Variants in RFC3 observed in about 807,000 individuals in gnomAD.
The protein encoded by RFC3 is A1 38 kDa subunit.
Under a neutral mutation model 45.1 loss-of-function variants are expected in RFC3, and 41 were observed. The ratio of observed to expected loss-of-function variants is 0.91; its 90% CI spans 0.71 to 1.18. The LOEUF is 1.18. Among genes scored for constraint, RFC3 ranks in the 50% most tolerant of loss-of-function variants. The pLI is 0.00. For synonymous variants in RFC3, 149 were observed against 144.0 expected (o/e 1.03, Z -0.25); for missense variants, 423 against 428.1 (o/e 0.99, Z 0.10).
At chr13:33,962,080 G>A (rs2083060718) in intron 8 of RFC3, among the ~76,000 whole-genome samples, 1 of 152,146 alleles carries the variant, frequency 6.6e-6, no homozygotes, top group African/African-American at 2.4e-5. Flanking sequence ...CAAAGTGATG[G>A]TGTGGCCAGT....
At chr13:33,869,926 A>G (rs2082396792) in intron 8 of RFC3, among the ~76,000 whole-genome samples, 1 of 152,180 alleles carries the variant, frequency 6.6e-6, no homozygotes, top group African/African-American at 2.4e-5. Flanking sequence ...AAAAAACCTG[A>G]TGCTGTACAA....
intron 1 of RFC3, among the ~76,000 whole-genome samples, chr13:33,819,921 A>G (rs1438877029): frequency 6.6e-6 from 1 of 152,242 alleles, no homozygotes; most frequent in Non-Finnish European, 1.5e-5. Flanking sequence ...TCTGTGGGAC[A>G]CTTGCCATTT....
At chr13:33,839,582 G>A (rs1156421926), downstream of RFC3, among the ~76,000 whole-genome samples, 1 of 152,194 alleles carries the variant, frequency 6.6e-6, no homozygotes. Context: ...AAGCTTCAGT[G>A]TACTGAATTG....
chr13:33,829,282 A>G (rs2082079507), intron 4 of RFC3, among the ~76,000 whole-genome samples: 1 of 152,202 alleles, frequency 6.6e-6, no homozygotes, highest in Non-Finnish European at 1.5e-5. Context: ...CTTGTTGCCT[A>G]CATCTCTTGC....
At chr13:33,942,869 G>T (rs1196534517) in intron 8 of RFC3, among the ~76,000 whole-genome samples, 1 of 152,088 alleles carries the variant, frequency 6.6e-6, no homozygotes, top group African/African-American at 2.4e-5. Flanking sequence ...GAAGTCTGGT[G>T]CCCACCTTTA....
intron 7 of RFC3, among the ~76,000 whole-genome samples, chr13:33,832,027 T>G (rs765383718): frequency 8.5e-5 from 13 of 152,236 alleles, no homozygotes; most frequent in Non-Finnish European, 1.9e-4. Flanking sequence ...TGCTCAAAAT[T>G]GCTTCCGTTA....
At chr13:33,873,699 T>C (rs2082427600) in intron 8 of RFC3, among the ~76,000 whole-genome samples, 2 of 152,202 alleles carry the variant, frequency 1.3e-5, no homozygotes, top group South Asian at 4.1e-4. Context: ...TCACCCTCTT[T>C]TGCTCCATCT....
At chr13:33,859,781 G>T (rs1315771833) in intron 8 of RFC3, among the ~76,000 whole-genome samples, 2 of 152,088 alleles carry the variant, frequency 1.3e-5, no homozygotes, top group African/African-American at 4.8e-5. Context: ...GGCATGCCAT[G>T]GACTGAATTT....
intron 8 of RFC3, among the ~76,000 whole-genome samples, chr13:33,889,676 CT>C (rs1419986933): frequency 1.3e-5 from 2 of 152,178 alleles, no homozygotes; most frequent in Non-Finnish European, 2.9e-5. Flanking sequence ...CTGACTATAA[CT>C]TTGCAACCAT....
chr13:33,929,550 A>G (rs115259917), intron 8 of RFC3, among the ~76,000 whole-genome samples: 26 of 152,222 alleles, frequency 1.7e-4, no homozygotes, highest in African/African-American at 6.3e-4. Context: ...TATTCATGTA[A>G]TGTCCTTAGG....
intron 8 of RFC3, among the ~76,000 whole-genome samples, chr13:33,922,828 C>G (rs542955401): frequency 4.9e-4 from 75 of 152,192 alleles, no homozygotes; most frequent in African/African-American, 1.6e-3. Flanking sequence ...AACCAAATGC[C>G]TTAACTCTCT....
At chr13:33,914,602 AT>A (rs2082722225) in intron 8 of RFC3, among the ~76,000 whole-genome samples, 1 of 152,162 alleles carries the variant, frequency 6.6e-6, no homozygotes, top group Non-Finnish European at 1.5e-5. Context: ...GGAGAAAATA[AT>A]TCAGCCAAAG....
At chr13:33,959,618 C>T (rs768162685) in intron 8 of RFC3, among the ~76,000 whole-genome samples, 1 of 152,176 alleles carries the variant, frequency 6.6e-6, no homozygotes, top group Non-Finnish European at 1.5e-5. Context: ...CCCAGTTGTA[C>T]TTATTTATTG....
intron 8 of RFC3, chr13:33,848,455 C>CA (rs1237938493): frequency 4.6e-5 from 7 of 152,198 alleles, no homozygotes; most frequent in Non-Finnish European, 1.0e-4. Context: ...ATACAACCAT[C>CA]AGCCATTTCA....
intron 8 of RFC3, among the ~76,000 whole-genome samples, chr13:33,960,946 C>T (rs1402761370): frequency 6.6e-6 from 1 of 152,182 alleles, no homozygotes; most frequent in Non-Finnish European, 1.5e-5. Flanking sequence ...ATTGCAGTCC[C>T]TACATCACTA....
intron 7 of RFC3, among the ~76,000 whole-genome samples, chr13:33,831,850 A>G (rs2082107972): frequency 6.6e-6 from 1 of 152,172 alleles, no homozygotes; most frequent in South Asian, 2.1e-4. Context: ...TATTGAAGAT[A>G]TTATTATTGC....
At chr13:33,897,758 G>A (rs1262765408) in intron 8 of RFC3, among the ~76,000 whole-genome samples, 1 of 151,950 alleles carries the variant, frequency 6.6e-6, no homozygotes, top group Non-Finnish European at 1.5e-5. Context: ...AAAAAAGGCA[G>A]AAGTATCTAT....
At chr13:33,974,475 C>T in the RFC3 span, among the ~76,000 whole-genome samples, 29 of 152,110 alleles carry the variant, frequency 1.9e-4, no homozygotes, top group African/African-American at 7.0e-4. Context: ...TACCTCTTCC[C>T]CAGCATGGAA....
chr13:33,944,837 G>T (rs1304990167), intron 8 of RFC3, among the ~76,000 whole-genome samples: 2 of 152,122 alleles, frequency 1.3e-5, no homozygotes, highest in African/African-American at 4.8e-5. Flanking sequence ...AGGAAACAGT[G>T]GGGGCAAATG....
Sources: allele counts gnomAD v4.1 joint callset (sites outside exome capture counted in the v4.1 genomes callset), GRCh38; gene constraint gnomAD v4.1.1; transcripts MANE v1.5; gene names NCBI Gene and HGNC (gene_info 2026-07-23, HGNC 2026-07-21).